HS6ST3: variants seen among roughly 807,000 people sequenced by gnomAD.
The protein encoded by HS6ST3 is heparan-sulfate 6-O-sulfotransferase 3.
Under a neutral mutation model 36.7 loss-of-function variants are expected in HS6ST3, and 12 were observed. The ratio of observed to expected loss-of-function variants is 0.33; its 90% CI spans 0.21 to 0.53. The LOEUF is 0.53. HS6ST3 is among the 20% of genes least tolerant of loss of function. The pLI is 0.95. For missense variants in HS6ST3, 584 were observed against 640.9 expected (o/e 0.91, Z 0.96); for synonymous variants, 240 against 257.5 (o/e 0.93, Z 0.65).
chr13:96,806,273 T>C (rs992700174), intron 1 of HS6ST3, among the ~76,000 whole-genome samples: 2 of 152,176 alleles, frequency 1.3e-5, no homozygotes, highest in African/African-American at 4.8e-5. Context: ...TAATCAAAGA[T>C]CGATTAATGC....
intron 1 of HS6ST3, among the ~76,000 whole-genome samples, chr13:96,175,694 C>CAAAAAAAAAA (rs4001570): frequency 7.1e-6 from 1 of 140,824 alleles, no homozygotes; most frequent in Non-Finnish European, 1.5e-5. Flanking sequence ...GTGAATTTGG[C>CAAAAAAAAAA]AAAAAAAAAA....
rs558153004 is a variant in HS6ST3, at chr13:96,838,646, A to G, written c.*5448A>G. 1.3e-5 allele frequency: 2 copies of G among 152,414 alleles called. No individual in the cohort carries two copies. The highest frequency in any genetic ancestry group is 1.9e-4 in the East Asian group (1 of 5,192). 9.4% of individuals were successfully genotyped at this position (152,414 alleles called of 1,614,324 possible). On this transcript the variant is annotated 3_prime_UTR_variant, in exon 2 of 2. Transcript: ENST00000376705. ...CGCCATCTCCACTGGACATAAGCCAATGCCTGCTCTCTTCTCACCACATTC... is the reference window on the plus strand; with the variant it reads ...CGCCATCTCCACTGGACATAAGCCAGTGCCTGCTCTCTTCTCACCACATTC...
chr13:96,668,504 C>T (rs1303864086), intron 1 of HS6ST3, among the ~76,000 whole-genome samples: 2 of 152,044 alleles, frequency 1.3e-5, no homozygotes, highest in African/African-American at 2.4e-5. Flanking sequence ...AGGCAGCTCC[C>T]TTCTGCTGAG....
At chr13:96,300,255 C>T (rs2054875420) in intron 1 of HS6ST3, among the ~76,000 whole-genome samples, 1 of 151,692 alleles carries the variant, frequency 6.6e-6, no homozygotes, top group Admixed American at 6.6e-5. Flanking sequence ...TGGAGTTTCA[C>T]CATGTTGGCC....
chr13:96,729,420 G>C lies in HS6ST3; in HGVS notation c.708-103070G>C, dbSNP rs112821732. On this transcript the variant is annotated intron_variant, in intron 1 of 1. Transcript: ENST00000376705. ...ATGGAGCAAAACCTGGGTGCCATGAGATTACTTAATTCAGTAATCTCTTCC... is the reference window on the plus strand; with the variant it reads ...ATGGAGCAAAACCTGGGTGCCATGACATTACTTAATTCAGTAATCTCTTCC... Among the ~76,000 whole-genome samples, 70 of 152,268 alleles carry C rather than the reference G, an allele frequency of 4.6e-4. 1 individual carries two copies. The highest frequency in any genetic ancestry group is 1.6e-3 in the African/African-American group (67 of 41,560).
rs575146460 is a variant in HS6ST3, at chr13:96,525,601, A to T, written c.708-306889A>T. ...ACCACTCAAATTCAGGTCTTTAATTATCTGTTTTGCTATCATTTATTTCAG... is the reference window on the plus strand; with the variant it reads ...ACCACTCAAATTCAGGTCTTTAATTTTCTGTTTTGCTATCATTTATTTCAG... On this transcript the variant is annotated intron_variant, in intron 1 of 1. Transcript: ENST00000376705. 2.6e-5 allele frequency among the ~76,000 whole-genome samples: 4 copies of T among 152,316 alleles called. No homozygotes were observed. In the East Asian group the frequency reaches 5.8e-4, roughly 22 times the overall value.
chr13:96,730,064 C>A (rs748476675), intron 1 of HS6ST3, among the ~76,000 whole-genome samples: 1 of 152,186 alleles, frequency 6.6e-6, no homozygotes, highest in Non-Finnish European at 1.5e-5. Flanking sequence ...GCATAACCTT[C>A]ATTTCTTGCT....
intron 1 of HS6ST3, among the ~76,000 whole-genome samples, chr13:96,112,253 T>C (rs1015783992): frequency 6.6e-6 from 1 of 152,270 alleles, no homozygotes; most frequent in African/African-American, 2.4e-5. Context: ...CTCTTTTAGA[T>C]CTGTATTGCA....
intron 1 of HS6ST3, among the ~76,000 whole-genome samples, chr13:96,294,779 A>C (rs2054846745): frequency 6.6e-6 from 1 of 152,050 alleles, no homozygotes; most frequent in South Asian, 2.1e-4. Flanking sequence ...ATTCTTTTAA[A>C]ATATGCTGAT....
intron 1 of HS6ST3, among the ~76,000 whole-genome samples, chr13:96,227,245 G>A (rs1196208999): frequency 6.6e-6 from 1 of 152,092 alleles, no homozygotes; most frequent in African/African-American, 2.4e-5. Context: ...TCTAAAAATA[G>A]ATACTTAACA....
At chr13:96,290,570 C>T (rs1046571820) in intron 1 of HS6ST3, among the ~76,000 whole-genome samples, 1 of 152,216 alleles carries the variant, frequency 6.6e-6, no homozygotes, top group Non-Finnish European at 1.5e-5. Context: ...GCTGCCACTG[C>T]TCTGGTCAAA....
At chr13:96,699,889 C>G (rs1187126923) in intron 1 of HS6ST3, among the ~76,000 whole-genome samples, 1 of 152,168 alleles carries the variant, frequency 6.6e-6, no homozygotes, top group African/African-American at 2.4e-5. Context: ...GAAGCAAACA[C>G]AAAATACAAA....
intron 1 of HS6ST3, among the ~76,000 whole-genome samples, chr13:96,377,198 C>T (rs1368096466): frequency 6.6e-6 from 1 of 151,290 alleles, no homozygotes; most frequent in African/African-American, 2.4e-5. Flanking sequence ...GACCCTGTGT[C>T]TACCAAAAAA....
At chr13:96,155,800 C>A (rs1003819872) in intron 1 of HS6ST3, among the ~76,000 whole-genome samples, 2 of 152,080 alleles carry the variant, frequency 1.3e-5, no homozygotes, top group Non-Finnish European at 2.9e-5. Flanking sequence ...AAAGATGTTT[C>A]TCTGAGTGAA....
intron 1 of HS6ST3, among the ~76,000 whole-genome samples, chr13:96,535,817 C>G (rs2056153162): frequency 6.6e-6 from 1 of 152,110 alleles, no homozygotes; most frequent in Non-Finnish European, 1.5e-5. Flanking sequence ...CATTGCCAGA[C>G]AGTGAGAAGC....
chr13:96,833,169 GACT>G lies in HS6ST3; in HGVS notation c.1390_1392del (p.Tyr464del), dbSNP rs1566464770. 6.3e-7 allele frequency: 1 copy of G among 1,581,500 alleles called. No homozygotes were observed. Among genetic ancestry groups the G allele is most frequent in the Admixed American group, 1.7e-5 (1 of 57,760 alleles). On this transcript the variant is annotated inframe_deletion, in exon 2 of 2. Coordinates refer to ENST00000376705, the MANE Select transcript of HS6ST3 (RefSeq NM_153456.4). ...GGCTGCAGAAGGGACTGTCACCGAGGACTACAACAGCCAGGTGGTGAGATGGTG... is the reference window on the plus strand; with the variant it reads ...GGCTGCAGAAGGGACTGTCACCGAGGACAACAGCCAGGTGGTGAGATGGTG...
chr13:96,668,639 G>GGGAAAAGA (rs1367812790), intron 1 of HS6ST3, among the ~76,000 whole-genome samples: 1 of 139,048 alleles, frequency 7.2e-6, no homozygotes, highest in Non-Finnish European at 1.5e-5. Context: ...CCCTGGTTCT[G>GGGAAAAGA]GGAAAAGAGG....
At chr13:96,732,852 C>G (rs917460792) in intron 1 of HS6ST3, among the ~76,000 whole-genome samples, 4 of 152,110 alleles carry the variant, frequency 2.6e-5, no homozygotes, top group African/African-American at 9.7e-5. Context: ...ATGTAGAGAT[C>G]TTTCACCTTG....
chr13:96,601,608 A>G (rs568080107), intron 1 of HS6ST3, among the ~76,000 whole-genome samples: 10 of 152,278 alleles, frequency 6.6e-5, no homozygotes, highest in Non-Finnish European at 1.2e-4. Flanking sequence ...TTTGTCTGGT[A>G]TATCAAAGAT....
Sources: gnomAD v4.1 joint callset for allele counts (sites outside exome capture counted in the v4.1 genomes callset) on GRCh38, gnomAD v4.1.1 for gene constraint, MANE v1.5 for transcripts, NCBI Gene and HGNC (gene_info 2026-07-23, HGNC 2026-07-21) for gene names.